MORC1: variants seen among roughly 807,000 people sequenced by gnomAD.
The protein encoded by MORC1 is MORC family CW-type zinc finger 1.
MORC1 carries 59 observed loss-of-function variants against 134.9 expected under a neutral mutation model. The ratio of observed to expected loss-of-function variants is 0.44; its 90% CI spans 0.35 to 0.54. The LOEUF (loss-of-function observed/expected upper bound fraction) is 0.54, where lower values mean the gene tolerates loss of function less well. MORC1 is among the 20% of genes least tolerant of loss of function. The pLI, the probability that MORC1 is intolerant of heterozygous loss-of-function variation, is 0.00. For synonymous variants in MORC1, 395 were observed against 391.7 expected (o/e 1.01, Z -0.10); for missense variants, 947 against 1,134.5 (o/e 0.83, Z 2.37).
chr3:109,064,106 A>G (rs1559930724), intron 9 of MORC1, among the ~76,000 whole-genome samples: 1 of 152,182 alleles, frequency 6.6e-6, no homozygotes, highest in Non-Finnish European at 1.5e-5. Context: ...GTTGTACATA[A>G]TTTTATGTTT....
At chr3:108,981,623 C>G (rs1947724261) in intron 23 of MORC1, among the ~76,000 whole-genome samples, 1 of 152,064 alleles carries the variant, frequency 6.6e-6, no homozygotes, top group African/African-American at 2.4e-5. Context: ...GTTTCTTGTT[C>G]TGTTGAATAA....
At chr3:109,076,443 G>A (rs561803498) in intron 8 of MORC1, among the ~76,000 whole-genome samples, 1 of 152,216 alleles carries the variant, frequency 6.6e-6, no homozygotes, top group East Asian at 1.9e-4. Context: ...TCTAGAACCA[G>A]AAATACCATT....
At chr3:109,038,073 T>G (rs1385034836) in intron 14 of MORC1, among the ~76,000 whole-genome samples, 1 of 152,222 alleles carries the variant, frequency 6.6e-6, no homozygotes, top group Non-Finnish European at 1.5e-5. Context: ...TGTAAAAGCA[T>G]TCCTATTTCT....
intron 25 of MORC1, among the ~76,000 whole-genome samples, chr3:108,970,648 C>T (rs34644272): frequency 3.5e-4 from 53 of 152,318 alleles, no homozygotes; most frequent in Admixed American, 7.8e-4. Flanking sequence ...CCACAGGCAA[C>T]ACCGAGCATG....
intron 8 of MORC1, among the ~76,000 whole-genome samples, chr3:109,088,759 T>C (rs1373288541): frequency 2.0e-5 from 3 of 152,082 alleles, no homozygotes; most frequent in Non-Finnish European, 4.4e-5. Flanking sequence ...GACACATGCA[T>C]GCAAATGCTC....
chr3:109,083,492 T>C (rs997369643), intron 8 of MORC1, among the ~76,000 whole-genome samples: 1 of 152,068 alleles, frequency 6.6e-6, no homozygotes, highest in African/African-American at 2.4e-5. Context: ...AATATAGTGC[T>C]GGGCGCAGTG....
chr3:108,968,555 CT>C (rs1947280792), intron 26 of MORC1, among the ~76,000 whole-genome samples: 1 of 152,224 alleles, frequency 6.6e-6, no homozygotes, highest in South Asian at 2.1e-4. Flanking sequence ...GTAATTGCTT[CT>C]TGGACTTTTG....
intron 8 of MORC1, among the ~76,000 whole-genome samples, chr3:109,077,185 AAT>A (rs1217819763): frequency 6.6e-6 from 1 of 152,160 alleles, no homozygotes; most frequent in Non-Finnish European, 1.5e-5. Context: ...GGAAGGGAAA[AAT>A]AAAGACACTT....
chr3:109,049,945 T>G lies in MORC1; in HGVS notation c.1330+4783A>C, dbSNP rs151183262. On this transcript the variant is annotated intron_variant, in intron 14 of 27. Coordinates refer to ENST00000232603, the MANE Select transcript of MORC1 (RefSeq NM_014429.4). ...TCAAATGAAGAATAATTACTATTCT[T>G]GAACTTGGAAGTGTTAGTCAAGATT... is the stretch of plus-strand genomic sequence containing the variant. 5.1e-3 allele frequency among the ~76,000 whole-genome samples: 778 copies of G among 152,326 alleles called. 18 individuals carry two copies. The highest frequency in any genetic ancestry group is 0.018 in the African/African-American group (747 of 41,566).
chr3:109,056,597 T>C (rs1414396567), intron 13 of MORC1, among the ~76,000 whole-genome samples: 2 of 152,264 alleles, frequency 1.3e-5, no homozygotes, highest in African/African-American at 4.8e-5. Flanking sequence ...TATATGCTTG[T>C]CCTTTTCACT....
rs572783091 is a variant in MORC1, at chr3:109,046,420, A to G, written c.1330+8308T>C. On this transcript the variant is annotated intron_variant, in intron 14 of 27. Transcript: ENST00000232603. ...CACTGCTCTCCTTTGGATATATTCC[A>G]GTTTCCCTCTAAAATGTGGAAATCA... 3.3e-5 allele frequency among the ~76,000 whole-genome samples: 5 copies of G among 152,336 alleles called. No individual in the cohort carries two copies. The East Asian group carries it at 9.6e-4, about 29-fold the overall frequency.
intron 8 of MORC1, among the ~76,000 whole-genome samples, chr3:109,078,344 T>G (rs1219333119): frequency 6.6e-6 from 1 of 152,014 alleles, no homozygotes; most frequent in Admixed American, 6.6e-5. Context: ...CAGGCTAGAT[T>G]CTCTGACCAC....
At chr3:109,102,932 A>G (rs957756745) in intron 4 of MORC1, among the ~76,000 whole-genome samples, 3 of 152,226 alleles carry the variant, frequency 2.0e-5, no homozygotes, top group Admixed American at 2.0e-4. Flanking sequence ...ATCCGAAGTC[A>G]GAACAAAACT....
At chr3:109,042,094 C>T (rs918731009) in intron 14 of MORC1, among the ~76,000 whole-genome samples, 1 of 152,094 alleles carries the variant, frequency 6.6e-6, no homozygotes, top group Admixed American at 6.5e-5. Context: ...CCACTTTATA[C>T]TCATTAGAAT....
chr3:109,093,273 A>G (rs6805165), intron 8 of MORC1, among the ~76,000 whole-genome samples, 163 bp downstream of exon 8: 5,854 of 152,228 alleles, frequency 0.038, 418 homozygotes, highest in African/African-American at 0.13. Context: ...TGAAGCTTAA[A>G]GTTTGGAAAC....
Position 109,118,079 on chromosome 3 carries a change from G to C in MORC1, c.-20C>G. ...GTCCATGCCCTCGAACACGACCCGC[G>C]CAACTCAAGGGGACAAGGACACCTG... On this transcript the variant is annotated 5_prime_UTR_variant, in exon 1 of 28. Transcript: ENST00000232603. 1.9e-6 allele frequency: 3 copies of C among 1,600,726 alleles called. No homozygotes were observed. The highest frequency in any genetic ancestry group is 2.6e-6 in the Non-Finnish European group (3 of 1,173,568).
chr3:109,068,750 G>A lies in MORC1; in HGVS notation c.815+882C>T, dbSNP rs143016613. 2.7e-3 allele frequency among the ~76,000 whole-genome samples: 411 copies of A among 152,280 alleles called. 2 individuals are homozygous for A. The highest frequency in any genetic ancestry group is 9.0e-3 in the African/African-American group (376 of 41,550). On this transcript the variant is annotated intron_variant, in intron 9 of 27. Transcript: ENST00000232603. ...CACAGAAAAATCTGATAAATGTTTG[G>A]TGTGTAAATGAAAGACTACCCAGAA...
intron 26 of MORC1, among the ~76,000 whole-genome samples, chr3:108,969,320 A>G (rs866467736): frequency 3.7e-4 from 57 of 152,216 alleles, no homozygotes; most frequent in African/African-American, 1.4e-3. Context: ...ACTCAGAGCG[A>G]TATCAAATTG....
chr3:108,988,100 G>A (rs1947944444), intron 21 of MORC1, among the ~76,000 whole-genome samples: 1 of 152,056 alleles, frequency 6.6e-6, no homozygotes, highest in African/African-American at 2.4e-5. Context: ...GTCTAGAGAG[G>A]ATGTCAACTC....
Sources: allele counts gnomAD v4.1 joint callset (sites outside exome capture counted in the v4.1 genomes callset), GRCh38; gene constraint gnomAD v4.1.1; transcripts MANE v1.5; gene names NCBI Gene and HGNC (gene_info 2026-07-23, HGNC 2026-07-21).